The following NR2C2 variants were observed in gnomAD, a reference collection of about 807,000 sequenced individuals.
The protein encoded by NR2C2 is nuclear receptor subfamily 2 group C member 2, also known as Nuclear hormone receptor TR4.
Under a neutral mutation model 62.9 loss-of-function variants are expected in NR2C2, and 6 were observed. The ratio of observed to expected loss-of-function variants is 0.10; its 90% confidence interval spans 0.05 to 0.19. The LOEUF is 0.19. Ranked by LOEUF, NR2C2 falls within the 10% of genes least tolerant of loss-of-function variation. The pLI is 1.00. For missense variants in NR2C2, 479 were observed against 762.7 expected (o/e 0.63, Z 4.38); for synonymous variants, 272 against 273.8 (o/e 0.99, Z 0.07).
chr3:15,014,156 G>A lies in NR2C2; in HGVS notation c.273+367G>A, dbSNP rs764887123. On this transcript the variant is annotated intron_variant, in intron 3 of 13. Transcript: ENST00000425241. ...GGCTGACTACAGCCAGGCGAGAACC[G>A]ACTTGTCCAGATCATCAGGTCTGTG... is the stretch of plus-strand genomic sequence containing the variant. Among the ~76,000 whole-genome samples, 3 of 152,212 alleles carry A rather than the reference G, an allele frequency of 2.0e-5. 1 individual carries two copies. Among genetic ancestry groups the A allele is most frequent in the South Asian group, 4.1e-4 (2 of 4,834 alleles).
chr3:14,970,434 C>A (rs982686410), intron 1 of NR2C2, among the ~76,000 whole-genome samples: 5 of 152,138 alleles, frequency 3.3e-5, no homozygotes, highest in Admixed American at 2.6e-4. Flanking sequence ...ATCTCTAGAA[C>A]TTTTTCTTCT....
chr3:15,026,175 C>T (rs764759451), intron 7 of NR2C2: 6 of 152,042 alleles, frequency 3.9e-5, no homozygotes, highest in Non-Finnish European at 5.9e-5. Flanking sequence ...CACAGCACCA[C>T]GCCTGGCTAA....
At chr3:14,987,827 A>G (rs1034663063) in intron 1 of NR2C2, among the ~76,000 whole-genome samples, 3 of 152,230 alleles carry the variant, frequency 2.0e-5, no homozygotes, top group African/African-American at 7.2e-5. Flanking sequence ...TCTCACGTGC[A>G]TATCATCTGG....
chr3:15,030,358 G>A lies in NR2C2; in HGVS notation c.1016G>A (p.Gly339Glu). 6.2e-7 allele frequency: 1 copy of A among 1,613,634 alleles called. No individual in the cohort carries two copies. Among genetic ancestry groups the A allele is most frequent in the Non-Finnish European group, 8.5e-7 (1 of 1,179,886 alleles). ...PSLADGIDTS[G>E]GGSIHVISRD... is the part of the protein sequence containing the mutation. ...TTGGCAGATGGGATAGACACCAGTG[G>A]AGGAGGGAGCATCCACGTCATCAGC... Residue 339 changes from glycine (G) to glutamate (E), a missense_variant, in exon 9 of 14, where the codon GGA (glycine) becomes GAA (glutamate). Gly to Glu is a moderately conservative substitution (Grantham distance 98, BLOSUM62 -2). This residue lies in a region of NR2C2 where 151 missense variants were observed against 176.1 expected (regional missense o/e 0.86). Transcript: ENST00000425241.
intron 1 of NR2C2, among the ~76,000 whole-genome samples, chr3:14,979,975 C>T (rs1194349214): frequency 6.6e-6 from 1 of 152,108 alleles, no homozygotes; most frequent in African/African-American, 2.4e-5. Context: ...AGACCAAGCT[C>T]TCTTCCTTGA....
chr3:15,032,552 C>G lies in NR2C2; in HGVS notation c.1232+52C>G, dbSNP rs758651175. The G allele has an allele frequency of 1.4e-5, 23 of 1,610,974 alleles. No individual in the cohort carries two copies. The Admixed American group carries it at 3.2e-4, about 22-fold the overall frequency. On this transcript the variant is annotated intron_variant, in intron 10 of 13. Transcript: ENST00000425241. Reference sequence around the variant, plus strand: ...TCCTCGGGCAGGAGCCTTCCTCTCCCTAGGAATGACCTGGAAGAACTCTGA... The same window carrying G: ...TCCTCGGGCAGGAGCCTTCCTCTCCGTAGGAATGACCTGGAAGAACTCTGA...
chr3:14,953,210 C>T (rs1412938223), intron 1 of NR2C2, among the ~76,000 whole-genome samples: 2 of 152,076 alleles, frequency 1.3e-5, no homozygotes, highest in Non-Finnish European at 2.9e-5. Context: ...AAAGTACCTC[C>T]TTCACTGTAA....
chr3:15,001,007 G>A (rs143316989), intron 1 of NR2C2, among the ~76,000 whole-genome samples: 3 of 151,756 alleles, frequency 2.0e-5, no homozygotes, highest in East Asian at 1.9e-4. Flanking sequence ...GTAGAGACAG[G>A]GTTTCACTGT....
At chr3:14,953,767 C>T (rs1035953445) in intron 1 of NR2C2, among the ~76,000 whole-genome samples, 6 of 151,912 alleles carry the variant, frequency 3.9e-5, no homozygotes, top group Admixed American at 6.6e-5. Context: ...TGGTGGCAGG[C>T]GCCTGTAATC....
chr3:14,959,897 A>G (rs1386884337), intron 1 of NR2C2, among the ~76,000 whole-genome samples: 2 of 152,230 alleles, frequency 1.3e-5, no homozygotes, highest in Non-Finnish European at 2.9e-5. Flanking sequence ...TATGGCAGAG[A>G]TGGCATTTCA....
At chr3:14,950,331 A>G (rs1401202499) in intron 1 of NR2C2, among the ~76,000 whole-genome samples, 1 of 152,230 alleles carries the variant, frequency 6.6e-6, no homozygotes, top group African/African-American at 2.4e-5. Context: ...TTTATGATTT[A>G]CAGAACTCTC....
At chr3:15,007,540 T>G (rs984217997) in intron 2 of NR2C2, among the ~76,000 whole-genome samples, 1 of 152,228 alleles carries the variant, frequency 6.6e-6, no homozygotes. Flanking sequence ...CTGGTTTGTT[T>G]CCTTGTGTAT....
At chr3:15,036,328 A>C (rs1295801728) in intron 11 of NR2C2, among the ~76,000 whole-genome samples, 1 of 152,162 alleles carries the variant, frequency 6.6e-6, no homozygotes, top group Non-Finnish European at 1.5e-5. Flanking sequence ...ACTATCTAGT[A>C]TTTGGTGTTC....
chr3:14,949,175 TG>T (rs1327319504), intron 1 of NR2C2, among the ~76,000 whole-genome samples: 1 of 133,186 alleles, frequency 7.5e-6, no homozygotes, highest in Non-Finnish European at 1.6e-5. Flanking sequence ...TCACTAGAGT[TG>T]GGGGCTGGGG....
chr3:14,988,373 C>G (rs2040568103), intron 1 of NR2C2, among the ~76,000 whole-genome samples: 1 of 152,230 alleles, frequency 6.6e-6, no homozygotes, highest in Non-Finnish European at 1.5e-5. Context: ...CTCACCCAAA[C>G]CACTGGGAGA....
At chr3:15,002,286 A>G (rs986478708) in intron 1 of NR2C2, among the ~76,000 whole-genome samples, 6 of 152,178 alleles carry the variant, frequency 3.9e-5, no homozygotes, top group Admixed American at 3.9e-4. Flanking sequence ...TTTTCATGAA[A>G]TGTTGTTAGA....
chr3:14,996,474 A>C (rs1246541746), intron 1 of NR2C2, among the ~76,000 whole-genome samples: 1 of 152,246 alleles, frequency 6.6e-6, no homozygotes, highest in Non-Finnish European at 1.5e-5. Flanking sequence ...TTAACTTACT[A>C]TTCATTAACC....
intron 1 of NR2C2, among the ~76,000 whole-genome samples, chr3:14,954,806 C>T (rs1197404446): frequency 6.6e-6 from 1 of 152,048 alleles, no homozygotes; most frequent in Non-Finnish European, 1.5e-5. Context: ...AGTGAAAATT[C>T]ATCAAACTGT....
intron 1 of NR2C2, among the ~76,000 whole-genome samples, chr3:14,990,306 GGAGA>G (rs1299014260): frequency 4.6e-5 from 7 of 152,174 alleles, no homozygotes; most frequent in Admixed American, 3.9e-4. Context: ...AGGGGTGGAG[GGAGA>G]GAGAGTTTAA....
Sources: gnomAD v4.1 joint callset for allele counts (sites outside exome capture counted in the v4.1 genomes callset) on GRCh38, gnomAD v4.1.1 for gene constraint, gnomAD v4.1.1 regional missense constraint, MANE v1.5 for transcripts, NCBI Gene and HGNC (gene_info 2026-07-23, HGNC 2026-07-21) for gene names.